THSD7B: variants seen among roughly 807,000 people sequenced by gnomAD.
THSD7B encodes thrombospondin type-1 domain-containing protein 7B.
THSD7B carries 138 observed loss-of-function variants against 213.6 expected under a neutral mutation model. The ratio of observed to expected loss-of-function variants is 0.65; its 90% confidence interval spans 0.56 to 0.74. The LOEUF is 0.74. Among genes scored for constraint, THSD7B ranks in the 30% least tolerant of loss-of-function variants. The pLI, the probability that THSD7B is intolerant of heterozygous loss-of-function variation, is 0.00. For synonymous variants in THSD7B, 742 were observed against 687.0 expected, an observed-to-expected ratio of 1.08 and a Z score of -1.25; for missense variants, 1,931 against 1,991.5, an observed-to-expected ratio of 0.97 and a Z score of 0.58.
chr2:137,227,277 GAATCATAACTGGTTTAAATAAGTCT>G (rs1276938947), intron 7 of THSD7B, among the ~76,000 whole-genome samples: 1 of 152,102 alleles, frequency 6.6e-6, no homozygotes, highest in Non-Finnish European at 1.5e-5. Flanking sequence ...CATTTTTCCA[GAATCATAACTGGTTTAAATAAGTCT>G]ATTCCACAAG....
At chr2:137,621,723 A>C (rs925872105) in intron 20 of THSD7B, among the ~76,000 whole-genome samples, 1 of 152,150 alleles carries the variant, frequency 6.6e-6, no homozygotes, top group Non-Finnish European at 1.5e-5. Context: ...CCTAGGGAGA[A>C]ATCCTGGTAC....
In THSD7B at chr2:137,616,185, C is replaced by T; in HGVS notation, c.3434C>T (p.Pro1145Leu). ...LWSKCPQSCD[P>L]HTMQRRTRHL... ...CTCTGATTTTAATAGTCATGCGATC[C>T]CCACACAATGCAGAGAAGAACTCGC... is the stretch of plus-strand genomic sequence containing the variant. The change falls in exon 18 of 28, where the codon CCC becomes CTC. Residue 1145 changes from proline to leucine, a missense_variant. Pro to Leu is a moderately conservative substitution (Grantham distance 98, BLOSUM62 -3). Coordinates refer to ENST00000409968, the MANE Select transcript of THSD7B (RefSeq NM_001316349.2). 6.2e-7 allele frequency: 1 copy of T among 1,612,122 alleles called. No homozygotes were observed. Among genetic ancestry groups the T allele is most frequent in the Non-Finnish European group, 8.5e-7 (1 of 1,179,256 alleles).
intron 5 of THSD7B, among the ~76,000 whole-genome samples, chr2:137,116,738 A>G (rs1688452848): frequency 6.6e-6 from 1 of 152,162 alleles, no homozygotes; most frequent in Non-Finnish European, 1.5e-5. Flanking sequence ...GAAGATTATA[A>G]TTAGCAGGAA....
chr2:137,178,432 A>C (rs1558948439), intron 7 of THSD7B, among the ~76,000 whole-genome samples: 1 of 152,188 alleles, frequency 6.6e-6, no homozygotes, highest in Non-Finnish European at 1.5e-5. Context: ...TTAAATTTTG[A>C]AATGAACCTG....
intron 2 of THSD7B, among the ~76,000 whole-genome samples, chr2:136,950,976 C>T (rs1215045046): frequency 6.6e-6 from 1 of 152,078 alleles, no homozygotes; most frequent in African/African-American, 2.4e-5. Context: ...TAAAGACTCC[C>T]ACGTTTGGTG....
At chr2:137,139,096 G>T (rs570822922) in intron 5 of THSD7B, among the ~76,000 whole-genome samples, 98 of 151,896 alleles carry the variant, frequency 6.5e-4, no homozygotes, top group Admixed American at 1.6e-3. Context: ...TTTTATATTG[G>T]TTTTTCTCTT....
At chr2:137,098,142 G>A (rs1688075332) in intron 4 of THSD7B, among the ~76,000 whole-genome samples, 1 of 152,180 alleles carries the variant, frequency 6.6e-6, no homozygotes. Context: ...GAACTCATAA[G>A]CAAGTCATGT....
chr2:137,418,913 C>CTTT (rs112003243), intron 14 of THSD7B, among the ~76,000 whole-genome samples: 3 of 149,364 alleles, frequency 2.0e-5, no homozygotes, highest in African/African-American at 4.9e-5. Context: ...ATATGTCTCA[C>CTTT]TTTTTTTTTT....
intron 21 of THSD7B, among the ~76,000 whole-genome samples, chr2:137,654,394 C>T (rs913705307): frequency 1.3e-5 from 2 of 152,134 alleles, no homozygotes; most frequent in African/African-American, 4.8e-5. Context: ...AGTAGTCATC[C>T]CTCCCCTCTT....
chr2:137,332,081 C>T (rs1204895334), intron 12 of THSD7B, among the ~76,000 whole-genome samples: 1 of 152,172 alleles, frequency 6.6e-6, no homozygotes, highest in Non-Finnish European at 1.5e-5. Context: ...CTGAAGGGCT[C>T]CTCAAGTGCC....
At chr2:136,927,973 A>C (rs1684568660) in intron 2 of THSD7B, among the ~76,000 whole-genome samples, 2 of 152,166 alleles carry the variant, frequency 1.3e-5, no homozygotes, top group African/African-American at 4.8e-5. Flanking sequence ...GGAGAGGGAG[A>C]TAGGAGTTTA....
At chr2:137,341,332 T>C (rs1684756697) in intron 12 of THSD7B, among the ~76,000 whole-genome samples, 1 of 151,504 alleles carries the variant, frequency 6.6e-6, no homozygotes, top group Admixed American at 6.6e-5. Flanking sequence ...CTTATATATA[T>C]TGAATATTAA....
chr2:137,332,297 G>C (rs1684532066), intron 12 of THSD7B, among the ~76,000 whole-genome samples: 1 of 152,158 alleles, frequency 6.6e-6, no homozygotes. Flanking sequence ...GATTATTTTG[G>C]AACTTTAAGA....
intron 1 of THSD7B, among the ~76,000 whole-genome samples, chr2:136,783,662 C>T (rs932241624): frequency 7.2e-5 from 11 of 152,128 alleles, no homozygotes; most frequent in African/African-American, 2.2e-4. Context: ...CCCGCAATCT[C>T]CTGCCAGGCC....
intron 2 of THSD7B, among the ~76,000 whole-genome samples, chr2:137,030,728 A>G (rs890366063): frequency 2.0e-5 from 3 of 152,128 alleles, no homozygotes; most frequent in Non-Finnish European, 4.4e-5. Flanking sequence ...CTATGGGTAC[A>G]CAAAGGTATA....
intron 12 of THSD7B, among the ~76,000 whole-genome samples, chr2:137,344,922 T>C (rs373504468): frequency 6.6e-4 from 100 of 151,768 alleles, no homozygotes; most frequent in African/African-American, 2.4e-3. Context: ...TGGTAACTTA[T>C]AAGAATAAGA....
chr2:136,957,082 T>C (rs962980817), intron 2 of THSD7B, among the ~76,000 whole-genome samples: 1 of 152,152 alleles, frequency 6.6e-6, no homozygotes, highest in Non-Finnish European at 1.5e-5. Context: ...TTCCACTGCC[T>C]TTTTCAGATT....
chr2:137,081,504 AT>A (rs1297510302), intron 3 of THSD7B, among the ~76,000 whole-genome samples: 4 of 151,452 alleles, frequency 2.6e-5, no homozygotes, highest in Non-Finnish European at 4.4e-5. Flanking sequence ...AATTTTGAAA[AT>A]TTTTTTGCTT....
Position 136,830,124 on chromosome 2 carries a change from GCA to G in THSD7B, c.-35-52001_-35-52000del, listed in dbSNP as rs142136751. On this transcript the variant is annotated intron_variant, in intron 1 of 27. Coordinates refer to ENST00000409968, the MANE Select transcript of THSD7B (RefSeq NM_001316349.2). ...TCATTTTCTTTGTATGCCTGTGCGCGCACACACACACACACACACATACCTGA... is the reference window on the plus strand; with the variant it reads ...TCATTTTCTTTGTATGCCTGTGCGCGCACACACACACACACACATACCTGA... Among the ~76,000 whole-genome samples, 1,237 of 147,890 alleles carry G rather than the reference GCA, an allele frequency of 8.4e-3. 24 individuals are homozygous for G. The highest frequency in any genetic ancestry group is 0.027 in the African/African-American group (1,109 of 40,570).
Sources: gnomAD v4.1 joint callset for allele counts (sites outside exome capture counted in the v4.1 genomes callset) on GRCh38, gnomAD v4.1.1 for gene constraint, MANE v1.5 for transcripts, NCBI Gene and HGNC (gene_info 2026-07-23, HGNC 2026-07-21) for gene names.